Variants in PMS1 observed in about 807,000 individuals in gnomAD.
PMS1 encodes the protein PMS1 protein homolog 1.
PMS1 carries 79 observed loss-of-function variants against 93.1 expected under a neutral mutation model. That is an observed-to-expected ratio of 0.85 (90% CI 0.71 to 1.02). PMS1 has a LOEUF of 1.02. PMS1 is among the 50% of genes least tolerant of loss of function. The pLI is 0.00. For synonymous variants in PMS1, 335 were observed against 363.4 expected (o/e 0.92, Z 0.89); for missense variants, 1,064 against 1,085.3 (o/e 0.98, Z 0.28).
chr2:189,823,217 GT>G (rs2052104991), intron 5 of PMS1, among the ~76,000 whole-genome samples: 1 of 151,352 alleles, frequency 6.6e-6, no homozygotes, highest in Non-Finnish European at 1.5e-5. Flanking sequence ...GGGTTTTTTT[GT>G]TTTGTTTTTT....
intron 4 of PMS1, chr2:189,806,075 A>G (rs1284876429): frequency 2.5e-5 from 14 of 568,058 alleles, no homozygotes; most frequent in Non-Finnish European, 2.8e-6. Flanking sequence ...TTAAAATTTT[A>G]TTGAAACATA....
At chr2:189,822,878 T>C (rs1177526743) in intron 5 of PMS1, among the ~76,000 whole-genome samples, 1 of 152,218 alleles carries the variant, frequency 6.6e-6, no homozygotes, top group Non-Finnish European at 1.5e-5. Context: ...AAGGAGCTAA[T>C]GCTACAAGGC....
Position 189,863,772 on chromosome 2 carries a change from A to G in PMS1, c.1886A>G (p.Glu629Gly). 1 of 1,605,184 alleles carries G rather than the reference A, an allele frequency of 6.2e-7. No individual in the cohort carries two copies. Among genetic ancestry groups the G allele is most frequent in the Non-Finnish European group, 8.5e-7 (1 of 1,171,956 alleles). The change falls in exon 10 of 13, where the codon GAA (glutamate) becomes GGA (glycine). Residue 629 changes from glutamate (E) to glycine (G), a missense_variant. Physicochemically the swap from Glu to Gly is moderately conservative, Grantham distance 98. Transcript: ENST00000441310. ...KYEEKATKDL[E>G]RYNSQMKRAI... ...GAAGAGAAGGCTACTAAAGACTTGG[A>G]ACGATACAATAGTCAAATGAAGAGA...
rs190219542 is a variant in PMS1, at chr2:189,869,065, A to C, written c.2473+1136A>C. Reference sequence around the variant, plus strand: ...TAGGTTCTATTACTGTCCCCATTTTACAGATGGAAAAATTGAGGCACAGAA... The same window carrying C: ...TAGGTTCTATTACTGTCCCCATTTTCCAGATGGAAAAATTGAGGCACAGAA... On this transcript the variant is annotated intron_variant, in intron 11 of 12. Transcript: ENST00000441310. 1.4e-3 allele frequency among the ~76,000 whole-genome samples: 206 copies of C among 152,298 alleles called. 1 individual carries two copies. Among genetic ancestry groups the C allele is most frequent in the African/African-American group, 4.5e-3 (186 of 41,566 alleles).
chr2:189,792,688 A>AATATATATATATATATATAT lies in PMS1; in HGVS notation c.132+760_132+779dup, dbSNP rs3067428. On this transcript the variant is annotated intron_variant, in intron 2 of 12. Coordinates refer to ENST00000441310, the MANE Select transcript of PMS1 (RefSeq NM_000534.5). ...AAACATGTATATATATATGGACACA[A>AATATATATATATATATATAT]ATATATATATATATATATATATATA... Among the ~76,000 whole-genome samples, 92 of 127,218 alleles carry AATATATATATATATATATAT rather than the reference A, an allele frequency of 7.2e-4. 1 individual carries two copies. Among genetic ancestry groups the AATATATATATATATATATAT allele is most frequent in the Middle Eastern group, 4.9e-3 (1 of 204 alleles). The allele number at this position is 127,218 out of a possible 152,430, so 83.5% of individuals were successfully genotyped here.
intron 9 of PMS1, among the ~76,000 whole-genome samples, chr2:189,861,872 T>G (rs1412102901): frequency 6.6e-6 from 1 of 151,686 alleles, no homozygotes; most frequent in African/African-American, 2.4e-5. Flanking sequence ...TATCTTAATC[T>G]TTGGTTTTCA....
intron 1 of PMS1, among the ~76,000 whole-genome samples, chr2:189,787,662 T>G (rs1463314178): frequency 6.6e-6 from 1 of 152,146 alleles, no homozygotes; most frequent in Non-Finnish European, 1.5e-5. Flanking sequence ...GTATGTACAT[T>G]ATAGTTCTGT....
intron 5 of PMS1, among the ~76,000 whole-genome samples, chr2:189,842,911 T>C (rs1348572190): frequency 6.7e-6 from 1 of 148,966 alleles, no homozygotes. Flanking sequence ...TTTTAATGCC[T>C]CTCTGGGCCT....
rs772733884 is a variant in PMS1, at chr2:189,877,448, TAAG to T, written c.*17_*19del. 9.3e-5 allele frequency: 147 copies of T among 1,579,196 alleles called. No individual in the cohort carries two copies. Among genetic ancestry groups the T allele is most frequent in the Non-Finnish European group, 1.1e-4 (128 of 1,148,856 alleles). On this transcript the variant is annotated 3_prime_UTR_variant, in exon 13 of 13. Coordinates refer to ENST00000441310, the MANE Select transcript of PMS1 (RefSeq NM_000534.5). ...CAGAAACTACATGATTAAATATGTTTAAGAAGATTAGTTACCATTGAAATTGGT... is the reference window on the plus strand; with the variant it reads ...CAGAAACTACATGATTAAATATGTTTAAGATTAGTTACCATTGAAATTGGT...
chr2:189,809,970 C>G (rs918631652), intron 4 of PMS1, among the ~76,000 whole-genome samples: 2 of 152,158 alleles, frequency 1.3e-5, no homozygotes, highest in African/African-American at 4.8e-5. Context: ...TTTTTACTTT[C>G]ATATACACAT....
At chr2:189,789,842 G>T (rs1217701415) in intron 1 of PMS1, among the ~76,000 whole-genome samples, 1 of 152,138 alleles carries the variant, frequency 6.6e-6, no homozygotes, top group Admixed American at 6.5e-5. Flanking sequence ...TGATTCTGCA[G>T]AGGAATTGCA....
At chr2:189,851,972 C>T (rs187206760) in intron 6 of PMS1, among the ~76,000 whole-genome samples, 4 of 152,290 alleles carry the variant, frequency 2.6e-5, no homozygotes, top group Admixed American at 6.5e-5. Flanking sequence ...ATATCTTTCT[C>T]TTCTCTCTGG....
chr2:189,843,398 G>C (rs1463382177), intron 5 of PMS1, among the ~76,000 whole-genome samples: 1 of 152,146 alleles, frequency 6.6e-6, no homozygotes, highest in African/African-American at 2.4e-5. Flanking sequence ...TACAGATTCA[G>C]TTAACATTTT....
intron 12 of PMS1, among the ~76,000 whole-genome samples, chr2:189,875,410 G>A (rs891989470): frequency 6.6e-6 from 1 of 151,868 alleles, no homozygotes; most frequent in South Asian, 2.1e-4. Context: ...TATGGATTTC[G>A]CATCCCATGG....
intron 11 of PMS1, among the ~76,000 whole-genome samples, chr2:189,869,368 A>G (rs891781459): frequency 3.9e-5 from 6 of 152,192 alleles, no homozygotes; most frequent in Non-Finnish European, 8.8e-5. Context: ...CTTCCTAGAA[A>G]TATTTCTTGC....
intron 1 of PMS1, among the ~76,000 whole-genome samples, chr2:189,789,062 G>A (rs2048615393): frequency 6.6e-6 from 1 of 152,160 alleles, no homozygotes; most frequent in African/African-American, 2.4e-5. Context: ...AAAGGTAGTT[G>A]TTCACAGCTG....
At chr2:189,861,770 C>T (rs1289469367) in intron 9 of PMS1, among the ~76,000 whole-genome samples, 3 of 151,284 alleles carry the variant, frequency 2.0e-5, no homozygotes, top group Non-Finnish European at 2.9e-5. Context: ...AAAGATTTCA[C>T]TGTCATCTGG....
intron 2 of PMS1, among the ~76,000 whole-genome samples, chr2:189,795,550 T>C (rs1474328228): frequency 6.6e-6 from 1 of 152,202 alleles, no homozygotes; most frequent in Non-Finnish European, 1.5e-5. Context: ...CTAACCTCCT[T>C]ATTCAACAGT....
At chr2:189,835,876 A>G (rs189475235) in intron 5 of PMS1, among the ~76,000 whole-genome samples, 64 of 146,796 alleles carry the variant, frequency 4.4e-4, no homozygotes, top group African/African-American at 1.6e-3. Context: ...GCTGTCAACT[A>G]TGATCACACC....
Sources: gnomAD v4.1 joint callset for allele counts (sites outside exome capture counted in the v4.1 genomes callset) on GRCh38, gnomAD v4.1.1 for gene constraint, MANE v1.5 for transcripts, NCBI Gene and HGNC (gene_info 2026-07-23, HGNC 2026-07-21) for gene names.